Variants in LRRC37A3 observed in about 807,000 individuals in gnomAD.
The protein encoded by LRRC37A3 is leucine rich repeat containing 37 member A3.
Under a neutral mutation model 106.2 loss-of-function variants are expected in LRRC37A3, and 25 were observed. The ratio of observed to expected loss-of-function variants is 0.24; its 90% CI spans 0.17 to 0.33. The LOEUF (loss-of-function observed/expected upper bound fraction) is 0.33, where lower values mean the gene tolerates loss of function less well. Ranked by LOEUF, LRRC37A3 falls within the 10% of genes least tolerant of loss-of-function variation. The pLI is 1.00. For missense variants in LRRC37A3, 712 were observed against 1,644.9 expected (o/e 0.43, Z 9.81); for synonymous variants, 305 against 635.8 (o/e 0.48, Z 7.83).
At position 64,858,861 on chromosome 17, in the gene LRRC37A3, T is replaced by G. The variant is rs202058683; in HGVS notation, c.4727A>C (p.Tyr1576Ser). The change falls in exon 13 of 15, where the codon TAT becomes TCT. Residue 1576 changes from tyrosine (Y) to serine (S), a missense_variant. Coordinates refer to ENST00000584306, the MANE Select transcript of LRRC37A3 (RefSeq NM_199340.5). ...CAAGATGAGTTTTTTGGTATAGCCA[T>G]ATCCTGGAAGTTCTTTTGTGAACTA... ...SLEFTKELPG[Y>S]GYTKKLILAL... 1 of 1,610,080 alleles carries G rather than the reference T, an allele frequency of 6.2e-7. No homozygotes were observed. The highest frequency in any genetic ancestry group is 1.7e-5 in the Admixed American group (1 of 59,448).
Position 64,858,849 on chromosome 17 carries a change from T to C in LRRC37A3, c.4739A>G (p.Lys1580Arg). 6.2e-7 allele frequency: 1 copy of C among 1,613,822 alleles called. No individual in the cohort carries two copies. The highest frequency in any genetic ancestry group is 8.5e-7 in the Non-Finnish European group (1 of 1,179,806). Reference protein sequence around the residue: ...TKELPGYGYTKKLILALIVTG... With the variant: ...TKELPGYGYTRKLILALIVTG... ...CACAATTAACGCCAAGATGAGTTTT[T>C]TGGTATAGCCATATCCTGGAAGTTC... Residue 1580 changes from lysine (K) to arginine (R), a missense_variant, in exon 13 of 15, where the codon AAA becomes AGA. Coordinates refer to ENST00000584306, the MANE Select transcript of LRRC37A3 (RefSeq NM_199340.5).
At chr17:64,893,957 C>T (rs1250853460) in intron 4 of LRRC37A3, among the ~76,000 whole-genome samples, 2 of 147,930 alleles carry the variant, frequency 1.4e-5, no homozygotes, top group African/African-American at 5.3e-5. Context: ...CAGCCTCTTC[C>T]CTCCTATCAT....
Position 64,896,722 on chromosome 17 carries a change from G to A in LRRC37A3, c.536C>T (p.Thr179Ile), listed in dbSNP as rs749834045. ...TGTACTGGAATATTCATTCTGCAAA[G>A]TCTGTTTCTGACTCTGAGGTGTGGA... ...QLSTPQSQKQTLQNEYSSTDT... is the reference protein window; with the variant it reads ...QLSTPQSQKQILQNEYSSTDT... Residue 179 changes from threonine to isoleucine, a missense_variant, in exon 4 of 15, where the codon ACT becomes ATT. Thr to Ile is a moderately conservative substitution (Grantham distance 89). Coordinates refer to ENST00000584306, the MANE Select transcript of LRRC37A3 (RefSeq NM_199340.5). The A allele has an allele frequency of 2.5e-6, 4 of 1,603,230 alleles. No individual in the cohort carries two copies. The highest frequency in any genetic ancestry group is 1.1e-5 in the South Asian group (1 of 91,040).
intron 8 of LRRC37A3, among the ~76,000 whole-genome samples, chr17:64,873,584 A>G (rs1250049005): frequency 6.7e-6 from 1 of 150,092 alleles, no homozygotes; most frequent in Non-Finnish European, 1.5e-5. Context: ...GAGAATATCA[A>G]TAAAGAGATA....
At chr17:64,873,581 T>C (rs1322495695) in intron 8 of LRRC37A3, among the ~76,000 whole-genome samples, 1 of 148,906 alleles carries the variant, frequency 6.7e-6, no homozygotes, top group Non-Finnish European at 1.5e-5. Context: ...ATAGAGAATA[T>C]CAATAAAGAG....
At chr17:64,918,994 C>T in intron 1 of LRRC37A3, 124 bp from the exon 2 acceptor site, 3 of 1,220,136 alleles carry the variant, frequency 2.5e-6, no homozygotes, top group Non-Finnish European at 3.1e-6. Context: ...CTCCCCCCGG[C>T]CGGGGCGCTG....
In LRRC37A3 at chr17:64,854,627, G is replaced by C. The variant is rs747957581; in HGVS notation, c.4877C>G (p.Thr1626Arg). The part of the protein sequence containing the change: ...EGFSRDSEAP[T>R]EEESEALP ...TGGCAGGGCTTCACTCTCCTCCTCC[G>C]TTGGGGCTTCGCTGTCCCTGGGATA... The change falls in exon 15 of 15, where the codon ACG (threonine) becomes AGG (arginine). Residue 1626 changes from threonine to arginine, a missense_variant. By Grantham distance (71) the Thr-to-Arg change is moderately conservative (BLOSUM62 -1). Coordinates refer to ENST00000584306, the MANE Select transcript of LRRC37A3 (RefSeq NM_199340.5). The C allele has an allele frequency of 1.3e-5, 21 of 1,613,776 alleles. No individual in the cohort carries two copies. In the Admixed American group the frequency reaches 2.8e-4, roughly 22 times the overall value.
intron 14 of LRRC37A3, 81 bp from the exon 15 acceptor site, chr17:64,854,725 G>C (rs878906242): frequency 3.7e-6 from 6 of 1,611,930 alleles, no homozygotes; most frequent in Non-Finnish European, 4.2e-6. Flanking sequence ...ATTTTAGATG[G>C]GAACTGTGAG....
intron 8 of LRRC37A3, chr17:64,876,874 C>A (rs1200242610): frequency 6.6e-6 from 1 of 152,008 alleles, no homozygotes; most frequent in Non-Finnish European, 1.5e-5. Context: ...CTAACTTATT[C>A]TATGAGGGTG....
intron 13 of LRRC37A3, among the ~76,000 whole-genome samples, chr17:64,858,100 GCTGAGCATCTCTAAT>G (rs1972740700): frequency 6.6e-6 from 1 of 152,150 alleles, no homozygotes; most frequent in South Asian, 2.1e-4. Context: ...GTTGATGCAA[GCTGAGCATCTCTAAT>G]CTGAGGGGGA....
At chr17:64,862,315 A>G (rs1972903326) in intron 11 of LRRC37A3, among the ~76,000 whole-genome samples, 1 of 152,140 alleles carries the variant, frequency 6.6e-6, no homozygotes, top group Non-Finnish European at 1.5e-5. Flanking sequence ...GTGAACAGAA[A>G]GGTTTGAGAT....
rs752877809 is a variant in LRRC37A3 at position 64,859,864 on chromosome 17, C to T, written c.4282G>A (p.Ala1428Thr). ...NYNHPPEADS[A>T]GTAFNLGPTV... ...GGCCCTAAGTTGAATGCAGTCCCAG[C>T]GGAATCTGCCTCAGGAGGATGATTG... The change falls in exon 12 of 15, where the codon GCT becomes ACT. Residue 1428 changes from alanine to threonine, a missense_variant. Ala to Thr is a moderately conservative substitution (Grantham distance 58). Transcript: ENST00000584306. 41 of 1,612,674 alleles carry T rather than the reference C, an allele frequency of 2.5e-5. No individual in the cohort carries two copies. The highest frequency in any genetic ancestry group is 8.3e-5 in the Admixed American group (5 of 59,970).
Position 64,899,342 on chromosome 17 carries a change from C to T in LRRC37A3, c.-495-883G>A, listed in dbSNP as rs1974234490. On this transcript the variant is annotated intron_variant, in intron 2 of 14. Transcript: ENST00000584306. ...GGCTGAGGTAGGAGAATCACTTGAA[C>T]CTGGGAGGTGGAGGTTGCAATGAGC... 2.0e-5 allele frequency among the ~76,000 whole-genome samples: 3 copies of T among 146,448 alleles called. No individual in the cohort carries two copies. In the South Asian group the frequency reaches 6.3e-4, roughly 31 times the overall value.
intron 12 of LRRC37A3, 60 bp downstream of exon 12, chr17:64,859,382 T>A: frequency 7.4e-7 from 1 of 1,357,286 alleles, no homozygotes; most frequent in Non-Finnish European, 1.0e-6. Context: ...GTGTGGGCAC[T>A]TTCCTGGGAT....
In LRRC37A3 at chr17:64,859,798, C is replaced by T. The variant is rs768344374; in HGVS notation, c.4348G>A (p.Val1450Met). ...QTETKWEYNN[V>M]GTDLSPEPKS... ...GGCTCGGGGGACAGGTCAGTGCCCA[C>T]GTTGTTGTATTCCCATTTTGTCTCA... The change falls in exon 12 of 15, where the codon GTG becomes ATG. Residue 1450 changes from valine (V) to methionine (M), a missense_variant. Physicochemically the swap from Val to Met is conservative, Grantham distance 21. Coordinates refer to ENST00000584306, the MANE Select transcript of LRRC37A3 (RefSeq NM_199340.5). The T allele has an allele frequency of 1.4e-5, 22 of 1,611,964 alleles. No homozygotes were observed. Among genetic ancestry groups the T allele is most frequent in the African/African-American group, 6.7e-5 (5 of 74,690 alleles).
Position 64,897,420 on chromosome 17 carries a change from T to A in LRRC37A3, c.-163A>T. On this transcript the variant is annotated 5_prime_UTR_variant, in exon 4 of 15. Coordinates refer to ENST00000584306, the MANE Select transcript of LRRC37A3 (RefSeq NM_199340.5). ...CCATCCTGCCCTGCCGGAGCACCCCTCTCCTCCCCTTAGTGAGGAAGGATT... is the reference window on the plus strand; with the variant it reads ...CCATCCTGCCCTGCCGGAGCACCCCACTCCTCCCCTTAGTGAGGAAGGATT... 6.6e-7 allele frequency: 1 copy of A among 1,512,576 alleles called. No individual in the cohort carries two copies. Among genetic ancestry groups the A allele is most frequent in the Non-Finnish European group, 8.8e-7 (1 of 1,133,590 alleles). 93.7% of individuals were successfully genotyped at this position (1,512,576 alleles called of 1,614,324 possible). A position where few individuals can be genotyped will look rare whatever the true frequency, so the allele number is the denominator to read the frequency against.
At chr17:64,919,200 C>G (rs1974774957) in intron 1 of LRRC37A3, among the ~76,000 whole-genome samples, 6 of 151,924 alleles carry the variant, frequency 3.9e-5, no homozygotes, top group Admixed American at 3.9e-4. Context: ...GGCCGGGGCG[C>G]AGCGCTCCGC....
intron 8 of LRRC37A3, chr17:64,877,019 G>A (rs1451145632): frequency 2.0e-5 from 3 of 152,206 alleles, no homozygotes; most frequent in African/African-American, 7.2e-5. Context: ...TAAACATGAA[G>A]CCGATAATAA....
intron 11 of LRRC37A3, among the ~76,000 whole-genome samples, chr17:64,862,468 G>A (rs1421904899): frequency 1.1e-4 from 16 of 151,796 alleles, no homozygotes; most frequent in Non-Finnish European, 4.4e-5. Context: ...TTATAAAACT[G>A]TAAAAACAGA....
Sources: allele counts gnomAD v4.1 joint callset (sites outside exome capture counted in the v4.1 genomes callset), GRCh38; gene constraint gnomAD v4.1.1; transcripts MANE v1.5; gene names NCBI Gene and HGNC (gene_info 2026-07-23, HGNC 2026-07-21).